The following CENPL variants were observed in gnomAD, a reference collection of about 807,000 sequenced individuals.
The protein encoded by CENPL is interphase centromere complex protein 33.
Under a neutral mutation model 35.2 loss-of-function variants are expected in CENPL, and 20 were observed. That is an observed-to-expected ratio of 0.57 (90% confidence interval 0.40 to 0.83). The LOEUF (loss-of-function observed/expected upper bound fraction) is 0.83, where lower values mean the gene tolerates loss of function less well. Among genes scored for constraint, CENPL ranks in the 40% least tolerant of loss-of-function variants. CENPL has a pLI of 0.00. For synonymous variants in CENPL, 140 were observed against 140.6 expected (o/e 1.00, Z 0.03); for missense variants, 363 against 395.8 (o/e 0.92, Z 0.70).
intron 2 of CENPL, among the ~76,000 whole-genome samples, chr1:173,817,281 C>T (rs1455416502): frequency 6.6e-6 from 1 of 152,106 alleles, no homozygotes; most frequent in African/African-American, 2.4e-5. Flanking sequence ...TATCCAGAAT[C>T]TAAAAAGGAC....
chr1:173,805,162 T>C (rs527536206), intron 4 of CENPL, among the ~76,000 whole-genome samples: 2 of 152,314 alleles, frequency 1.3e-5, no homozygotes, highest in South Asian at 2.1e-4. Flanking sequence ...GTGCATCAAG[T>C]GCTTCACTTG....
Position 173,807,258 on chromosome 1 carries a change from G to A in CENPL, c.420+9C>T. 1 of 1,592,320 alleles carries A rather than the reference G, an allele frequency of 6.3e-7. No homozygotes were observed. The highest frequency in any genetic ancestry group is 8.6e-7 in the Non-Finnish European group (1 of 1,167,000). On this transcript the variant is annotated intron_variant, in intron 4 of 5. Transcript: ENST00000682279. ...CCCCTAGGAAGCAAGAACTGTTTAT[G>A]TATTATACCTGGACAAGAAATGCTT...
chr1:173,805,650 T>C (rs1371675591), intron 4 of CENPL, among the ~76,000 whole-genome samples: 1 of 152,182 alleles, frequency 6.6e-6, no homozygotes, highest in East Asian at 1.9e-4. Context: ...CAGGTTCTGT[T>C]TGTCCTTCCC....
In CENPL at chr1:173,803,321, T is replaced by C. The variant is rs1474834605; in HGVS notation, c.605A>G (p.Lys202Arg). The C allele has an allele frequency of 1.9e-6, 3 of 1,613,820 alleles. No individual in the cohort carries two copies. The highest frequency in any genetic ancestry group is 2.5e-6 in the Non-Finnish European group (3 of 1,179,710). Residue 202 changes from lysine (K) to arginine (R), a missense_variant, in exon 5 of 6, where the codon AAA (lysine) becomes AGA (arginine). Transcript: ENST00000682279. ...NTAIIGTWFQ[K>R]TFDCYFSPLA... is the part of the protein sequence containing the mutation. ...AGGACTGAAATAACAGTCAAAGGTT[T>C]TCTGAAACCAAGTTCCAATTATTGC... is the stretch of plus-strand genomic sequence containing the variant.
At position 173,824,278 on chromosome 1, in the gene CENPL, A is replaced by G. The variant is rs73037056; in HGVS notation, c.-168T>C. The G allele has an allele frequency of 5.3e-4, 81 of 152,440 alleles. No individual in the cohort carries two copies. The highest frequency in any genetic ancestry group is 1.8e-3 in the African/African-American group (75 of 41,598). 9.4% of individuals were successfully genotyped at this position (152,440 alleles called of 1,614,324 possible). On this transcript the variant is annotated 5_prime_UTR_variant, in exon 1 of 6. Coordinates refer to ENST00000682279, the MANE Select transcript of CENPL (RefSeq NM_001387287.1). Reference sequence around the variant, plus strand: ...CGCGGAGGGGGAAGGGCAAAAGGACAGTGCGTCCCAACCCGTCCCTCTCCA... The same window carrying G: ...CGCGGAGGGGGAAGGGCAAAAGGACGGTGCGTCCCAACCCGTCCCTCTCCA...
intron 2 of CENPL, among the ~76,000 whole-genome samples, chr1:173,812,560 C>T (rs999837277): frequency 2.0e-5 from 3 of 152,142 alleles, no homozygotes; most frequent in African/African-American, 7.2e-5. Context: ...CCAGCAAACT[C>T]CAACAGACCT....
At chr1:173,821,277 T>G (rs1245255680) in intron 2 of CENPL, among the ~76,000 whole-genome samples, 2 of 152,222 alleles carry the variant, frequency 1.3e-5, no homozygotes, top group South Asian at 4.1e-4. Context: ...TTAAGTAACT[T>G]GCCAAAGTCA....
At chr1:173,801,884 G>A (rs1030215099) in intron 5 of CENPL, among the ~76,000 whole-genome samples, 31 of 151,526 alleles carry the variant, frequency 2.0e-4, no homozygotes, top group Non-Finnish European at 3.1e-4. Flanking sequence ...TTAGCCAGGT[G>A]TAGTGGCTCA....
intron 2 of CENPL, among the ~76,000 whole-genome samples, chr1:173,815,638 C>A (rs1005066987): frequency 6.6e-6 from 1 of 152,130 alleles, no homozygotes; most frequent in African/African-American, 2.4e-5. Context: ...ATTCAATAGG[C>A]CTTCATGCTA....
rs544783833 is a variant in CENPL, at chr1:173,815,553, AT to A, written c.-7-4248del. ...CAACATACGCAAATCAATAAATGTA[AT>A]TCATCACATAAACAGAAACAACAAC... On this transcript the variant is annotated intron_variant, in intron 2 of 5. Coordinates refer to ENST00000682279, the MANE Select transcript of CENPL (RefSeq NM_001387287.1). Among the ~76,000 whole-genome samples the A allele has an allele frequency of 1.7e-3, 256 of 152,324 alleles. 1 individual carries two copies. The highest frequency in any genetic ancestry group is 6.0e-3 in the African/African-American group (248 of 41,576).
At chr1:173,807,713 T>C (rs751984763) in intron 3 of CENPL, among the ~76,000 whole-genome samples, 195 bp from the exon 4 acceptor site, 1 of 152,218 alleles carries the variant, frequency 6.6e-6, no homozygotes, top group Non-Finnish European at 1.5e-5. Flanking sequence ...TTTAGAATGC[T>C]CTTCTCCCAA....
intron 2 of CENPL, among the ~76,000 whole-genome samples, chr1:173,820,970 A>G (rs1209372397): frequency 6.6e-6 from 1 of 152,202 alleles, no homozygotes. Context: ...TCTTGACTGT[A>G]GTGAATACAT....
chr1:173,802,538 G>A (rs1649847929), intron 5 of CENPL, among the ~76,000 whole-genome samples: 1 of 152,136 alleles, frequency 6.6e-6, no homozygotes, highest in South Asian at 2.1e-4. Context: ...AAATCACTCT[G>A]TAGAGAATAA....
chr1:173,816,111 C>G (rs1350320273), intron 2 of CENPL, among the ~76,000 whole-genome samples: 2 of 152,082 alleles, frequency 1.3e-5, no homozygotes, highest in African/African-American at 2.4e-5. Flanking sequence ...AAATACCTAG[C>G]AATCCAACTT....
intron 2 of CENPL, chr1:173,823,308 TCTA>T (rs1652169273): frequency 6.6e-6 from 1 of 152,068 alleles, no homozygotes; most frequent in South Asian, 2.1e-4. Flanking sequence ...AGGTTCATTT[TCTA>T]CTACTTCAGT....
chr1:173,802,890 A>G (rs112131705), intron 5 of CENPL, 73 bp downstream of exon 5: 1 of 970,282 alleles, frequency 1.0e-6, no homozygotes, highest in East Asian at 2.5e-5. Context: ...AATTGAGTGG[A>G]CAATACAATC....
Position 173,803,279 on chromosome 1 carries a change from A to C in CENPL, c.647T>G (p.Phe216Cys). ...CYFSPLAINA[F>C]NLSWMAAMWT... ...CATGGCAGCCATCCAGGAAAGATTA[A>C]ATGCATTGATTGCTAAAGGACTGAA... Residue 216 changes from phenylalanine to cysteine, a missense_variant, in exon 5 of 6, where the codon TTT becomes TGT. Transcript: ENST00000682279. 1 of 1,613,622 alleles carries C rather than the reference A, an allele frequency of 6.2e-7. No individual in the cohort carries two copies.
chr1:173,812,386 T>C (rs1242490786), intron 2 of CENPL, among the ~76,000 whole-genome samples: 1 of 152,210 alleles, frequency 6.6e-6, no homozygotes, highest in Non-Finnish European at 1.5e-5. Flanking sequence ...CTGACCCCCG[T>C]GTAGCCTAAT....
Position 173,803,503 on chromosome 1 carries a change from A to T in CENPL, c.423T>A (p.Ile141=). 6.4e-7 allele frequency: 1 copy of T among 1,559,608 alleles called. No homozygotes were observed. The highest frequency in any genetic ancestry group is 1.2e-5 in the South Asian group (1 of 83,630). Residue 141 remains isoleucine, a splice_region_variant and synonymous_variant, in exon 5 of 6, where the codon ATT becomes ATA. Transcript: ENST00000682279. ...QRDPEAFLVQ[I]VSKSQLPSEN... ...CAGATGGCAATTGAGATTTTGACACAATCTACAAAGAAAGTAAACAGGCTC... is the reference window on the plus strand; with the variant it reads ...CAGATGGCAATTGAGATTTTGACACTATCTACAAAGAAAGTAAACAGGCTC...
Sources: allele counts gnomAD v4.1 joint callset (sites outside exome capture counted in the v4.1 genomes callset), GRCh38; gene constraint gnomAD v4.1.1; transcripts MANE v1.5; gene names NCBI Gene and HGNC (gene_info 2026-07-23, HGNC 2026-07-21).